CDIN1: variants seen among roughly 807,000 people sequenced by gnomAD.
The protein encoded by CDIN1 is CDAN1 interacting nuclease 1.
Under a neutral mutation model 45.3 loss-of-function variants are expected in CDIN1, and 33 were observed. The ratio of observed to expected loss-of-function variants is 0.73; its 90% confidence interval spans 0.55 to 0.97. CDIN1 has a LOEUF of 0.97. CDIN1 is among the 50% of genes least tolerant of loss of function. The pLI is 0.00. For synonymous variants in CDIN1, 118 were observed against 124.4 expected, an observed-to-expected ratio of 0.95 and a Z score of 0.34; for missense variants, 303 against 339.4, an observed-to-expected ratio of 0.89 and a Z score of 0.84.
chr15:36,778,264 G>A (rs1417567077), intron 10 of CDIN1, among the ~76,000 whole-genome samples: 1 of 152,192 alleles, frequency 6.6e-6, no homozygotes, highest in Non-Finnish European at 1.5e-5. Flanking sequence ...CACACGTCAG[G>A]AAAGGATGAG....
chr15:36,627,490 A>C (rs2039487897), intron 1 of CDIN1: 1 of 156,736 alleles, frequency 6.4e-6, no homozygotes, highest in Non-Finnish European at 1.4e-5. Context: ...TCTTGTGGCC[A>C]GACTTGGACC....
intron 5 of CDIN1, among the ~76,000 whole-genome samples, chr15:36,668,431 A>C (rs911498554): frequency 4.6e-5 from 7 of 152,184 alleles, no homozygotes; most frequent in Non-Finnish European, 1.0e-4. Flanking sequence ...ACTGAATTTC[A>C]GGTTAAGTGA....
chr15:36,724,513 G>A (rs1017768246), intron 10 of CDIN1, among the ~76,000 whole-genome samples: 12 of 152,180 alleles, frequency 7.9e-5, no homozygotes, highest in Non-Finnish European at 1.8e-4. Flanking sequence ...GTTAGCAATA[G>A]CTTCAGTTGG....
At chr15:36,805,181 G>C (rs2055187333) in intron 10 of CDIN1, among the ~76,000 whole-genome samples, 1 of 152,074 alleles carries the variant, frequency 6.6e-6, no homozygotes, top group Non-Finnish European at 1.5e-5. Context: ...TGCTTCCCAG[G>C]AGTCTTTAAA....
At chr15:36,742,583 C>T (rs193103283) in intron 10 of CDIN1, among the ~76,000 whole-genome samples, 1 of 152,172 alleles carries the variant, frequency 6.6e-6, no homozygotes, top group East Asian at 1.9e-4. Context: ...TTCTTTATAC[C>T]ATCATAGATT....
chr15:36,732,465 AT>A (rs1352129906), intron 10 of CDIN1, among the ~76,000 whole-genome samples: 1 of 152,152 alleles, frequency 6.6e-6, no homozygotes, highest in Non-Finnish European at 1.5e-5. Flanking sequence ...CCTAGAAATT[AT>A]TAATTTTCTT....
At chr15:36,590,188 C>A (rs374106600) in intron 1 of CDIN1, among the ~76,000 whole-genome samples, 1 of 152,074 alleles carries the variant, frequency 6.6e-6, no homozygotes, top group African/African-American at 2.4e-5. Flanking sequence ...TTTTTTTAAC[C>A]TACTGTGGTG....
intron 10 of CDIN1, among the ~76,000 whole-genome samples, chr15:36,744,814 T>C (rs992612250): frequency 6.6e-5 from 10 of 152,204 alleles, no homozygotes; most frequent in African/African-American, 2.4e-4. Context: ...AGCCCATGTG[T>C]AATTTGAGAC....
At chr15:36,687,205 CTGAATGTATCAGTTGTAA>C (rs2042091629) in intron 5 of CDIN1, among the ~76,000 whole-genome samples, 1 of 151,798 alleles carries the variant, frequency 6.6e-6, no homozygotes, top group Non-Finnish European at 1.5e-5. Flanking sequence ...AAAAATAAGC[CTGAATGTATCAGTTGTAA>C]TGAATGTAAA....
chr15:36,604,285 T>A (rs909030427), intron 1 of CDIN1, among the ~76,000 whole-genome samples: 5 of 151,698 alleles, frequency 3.3e-5, no homozygotes, highest in African/African-American at 7.3e-5. Flanking sequence ...TTTTTTTTTT[T>A]TATAATTAAT....
intron 10 of CDIN1, among the ~76,000 whole-genome samples, chr15:36,807,755 T>A (rs2055277722): frequency 1.3e-5 from 2 of 152,186 alleles, no homozygotes; most frequent in Non-Finnish European, 2.9e-5. Flanking sequence ...GAAGTTGTAA[T>A]GCAGAGAGTA....
chr15:36,774,163 T>TGTGTGTGCGCGCGCGC (rs149222188), intron 10 of CDIN1, among the ~76,000 whole-genome samples: 4 of 143,070 alleles, frequency 2.8e-5, no homozygotes, highest in African/African-American at 1.1e-4. Context: ...TGTGTGTGTG[T>TGTGTGTGCGCGCGCGC]GCGCGCGCGC....
intron 5 of CDIN1, among the ~76,000 whole-genome samples, chr15:36,666,250 G>A (rs1236668425): frequency 6.6e-6 from 1 of 151,940 alleles, no homozygotes; most frequent in Non-Finnish European, 1.5e-5. Flanking sequence ...GTGGAATTGT[G>A]GAAATTATGG....
chr15:36,594,833 C>T, intron 1 of CDIN1: 2 of 940,750 alleles, frequency 2.1e-6, no homozygotes, highest in Non-Finnish European at 2.5e-6. Flanking sequence ...TTTTTTTTAG[C>T]ATTTCAAGAA....
In CDIN1 at chr15:36,774,137, T is replaced by G. The variant is rs182511390; in HGVS notation, c.717-34187T>G. ...TGCCGGCAAGTAACTGACAGGGGTG[T>G]GTGTGTGTGTGTGTGTGTGTGTGTG... On this transcript the variant is annotated intron_variant, in intron 10 of 10. Transcript: ENST00000566621. Among the ~76,000 whole-genome samples the G allele has an allele frequency of 5.6e-4, 38 of 68,392 alleles. No homozygotes were observed. The East Asian group carries it at 0.02, about 35-fold the overall frequency. 44.9% of individuals were successfully genotyped at this position (68,392 alleles called of 152,430 possible). A position where few individuals can be genotyped will look rare whatever the true frequency, so the allele number is the denominator to read the frequency against.
intron 10 of CDIN1, among the ~76,000 whole-genome samples, chr15:36,798,025 C>CAAAAA (rs11307856): frequency 6.4e-5 from 6 of 93,582 alleles, no homozygotes; most frequent in African/African-American, 2.6e-4. Flanking sequence ...GAGTTATTAG[C>CAAAAA]AAAAAAAAAA....
chr15:36,650,655 G>T (rs1374466122), intron 3 of CDIN1, among the ~76,000 whole-genome samples: 2 of 151,808 alleles, frequency 1.3e-5, no homozygotes, highest in Non-Finnish European at 2.9e-5. Context: ...GCTGTGCAGG[G>T]AGGTCTCAAA....
At chr15:36,800,909 G>GTGTGTGTATATATA (rs1156514805) in intron 10 of CDIN1, among the ~76,000 whole-genome samples, 11 of 22,384 alleles carry the variant, frequency 4.9e-4, no homozygotes, top group South Asian at 4.3e-3. Flanking sequence ...GTGTGTGTGT[G>GTGTGTGTATATATA]TATATATATA....
intron 10 of CDIN1, among the ~76,000 whole-genome samples, chr15:36,714,763 G>A (rs767156615): frequency 2.0e-5 from 3 of 152,112 alleles, no homozygotes; most frequent in Admixed American, 6.6e-5. Context: ...CTGCTCTCAG[G>A]CCAGAGTTGC....
Sources: allele counts gnomAD v4.1 joint callset (sites outside exome capture counted in the v4.1 genomes callset), GRCh38; gene constraint gnomAD v4.1.1; transcripts MANE v1.5; gene names NCBI Gene and HGNC (gene_info 2026-07-23, HGNC 2026-07-21).